Variants in NDST4 observed in about 807,000 individuals in gnomAD.
The protein encoded by NDST4 is N-heparan sulfate sulfotransferase 4.
A neutral mutation model predicts 100.8 loss-of-function variants in NDST4; 63 were observed. The ratio of observed to expected loss-of-function variants is 0.62; its 90% CI spans 0.51 to 0.77. NDST4 has a LOEUF of 0.77. Among genes scored for constraint, NDST4 ranks in the 30% least tolerant of loss-of-function variants. The probability of loss-of-function intolerance (pLI) is 0.00; values close to 1 mark genes in which losing one functional copy is unlikely to be tolerated. For missense variants in NDST4, 943 were observed against 1,018.4 expected (o/e 0.93, Z 1.01); for synonymous variants, 377 against 361.8 (o/e 1.04, Z -0.48).
chr4:114,910,503 A>T (rs535251977), intron 6 of NDST4, among the ~76,000 whole-genome samples: 67 of 152,276 alleles, frequency 4.4e-4, no homozygotes, highest in African/African-American at 1.6e-3. Context: ...TTTCCTTGAA[A>T]TTACTAACAA....
chr4:114,873,749 A>G (rs943102870), intron 6 of NDST4, among the ~76,000 whole-genome samples: 1 of 152,052 alleles, frequency 6.6e-6, no homozygotes, highest in Non-Finnish European at 1.5e-5. Flanking sequence ...TCATGTCACT[A>G]CTGTAATTAA....
intron 2 of NDST4, among the ~76,000 whole-genome samples, chr4:114,995,403 T>TAGAAGTAACAAACAGCAAA (rs1213265695): frequency 4.6e-5 from 7 of 152,078 alleles, no homozygotes; most frequent in Non-Finnish European, 8.8e-5. Context: ...TATTTTCACT[T>TAGAAGTAACAAACAGCAAA]AGAAGTAACA....
Position 114,977,239 on chromosome 4 carries a change from C to G in NDST4, c.1014G>C (p.Gln338His), listed in dbSNP as rs1015339872. 2.5e-6 allele frequency: 4 copies of G among 1,610,232 alleles called. No individual in the cohort carries two copies. The highest frequency in any genetic ancestry group is 3.3e-5 in the Admixed American group (2 of 59,746). ...CAAGGTTGAAGGTAAAATTTGCAAC[C>G]TGAGTGCGCAGTAAATTTTGAGTCT... ...LLETQNLLRT[Q>H]VANFTFNLGF... The change falls in exon 3 of 14, where the codon CAG becomes CAC. Residue 338 changes from glutamine to histidine, a missense_variant. Transcript: ENST00000264363.
At chr4:115,092,233 A>T (rs576547628) in intron 1 of NDST4, among the ~76,000 whole-genome samples, 33 of 152,058 alleles carry the variant, frequency 2.2e-4, no homozygotes, top group Admixed American at 9.8e-4. Flanking sequence ...CCTAAAAGGA[A>T]TTTTTTTTCT....
chr4:114,850,353 C>A (rs1163835453), intron 8 of NDST4, among the ~76,000 whole-genome samples: 1 of 152,124 alleles, frequency 6.6e-6, no homozygotes, highest in African/African-American at 2.4e-5. Context: ...TACCTTCATG[C>A]CTCCAGGACC....
At chr4:114,999,510 A>T (rs1727237069) in intron 2 of NDST4, among the ~76,000 whole-genome samples, 1 of 152,178 alleles carries the variant, frequency 6.6e-6, no homozygotes. Flanking sequence ...TCATAAATTT[A>T]AAAGTTTATT....
At chr4:115,013,292 T>C (rs1486330764) in intron 2 of NDST4, among the ~76,000 whole-genome samples, 1 of 143,286 alleles carries the variant, frequency 7.0e-6, no homozygotes, top group African/African-American at 2.5e-5. Flanking sequence ...ATGATTATTA[T>C]ATATTGTATG....
intron 2 of NDST4, among the ~76,000 whole-genome samples, chr4:114,999,055 C>A (rs1264322373): frequency 1.3e-5 from 2 of 152,038 alleles, no homozygotes; most frequent in Non-Finnish European, 2.9e-5. Context: ...ATCACAAATA[C>A]TGGGCACAGC....
chr4:114,916,653 T>C (rs992778624), intron 6 of NDST4, among the ~76,000 whole-genome samples: 3 of 150,604 alleles, frequency 2.0e-5, no homozygotes, highest in Admixed American at 1.3e-4. Flanking sequence ...TTTTTTTTTT[T>C]CTGACAGCTC....
Position 115,076,216 on chromosome 4 carries a change from T to C in NDST4, c.821A>G (p.Asn274Ser). The change falls in exon 2 of 14, where the codon AAC becomes AGC. Residue 274 changes from asparagine (N) to serine (S), a missense_variant. This residue lies in a region of NDST4 where 417 missense variants were observed against 384.2 expected (regional missense o/e 1.09). Transcript: ENST00000264363. ...DGIQRVLFGN[N>S]LNFWLHKLIF... Reference sequence around the variant, plus strand: ...GAGCTTGTGCAGCCAAAAGTTCAAGTTGTTGCCAAAAAGTACTCTCTGAAT... The same window carrying C: ...GAGCTTGTGCAGCCAAAAGTTCAAGCTGTTGCCAAAAAGTACTCTCTGAAT... 6.2e-7 allele frequency: 1 copy of C among 1,613,912 alleles called. No homozygotes were observed.
chr4:115,026,972 T>G (rs552441031), intron 2 of NDST4, among the ~76,000 whole-genome samples: 2 of 152,270 alleles, frequency 1.3e-5, no homozygotes, highest in Non-Finnish European at 2.9e-5. Flanking sequence ...CTCTGCTGAC[T>G]TCCGTAATTC....
In NDST4 at chr4:114,870,780, G is replaced by A. The variant is rs959211645; in HGVS notation, c.1707C>T (p.Asp569=). Residue 569 remains aspartate, a synonymous_variant, in exon 7 of 14, where the codon GAC becomes GAT. Coordinates refer to ENST00000264363, the MANE Select transcript of NDST4 (RefSeq NM_022569.3). ...TGTTAAATGTTACCTGCCATAGAGGGTCTTTCTGCTCAGGGAAGAGCTCAA... is the reference window on the plus strand; with the variant it reads ...TGTTAAATGTTACCTGCCATAGAGGATCTTTCTGCTCAGGGAAGAGCTCAA... The part of the protein sequence containing the change: ...QYFELFPEQK[D]PLWQNPCDDK... The A allele has an allele frequency of 1.2e-6, 2 of 1,609,072 alleles. No homozygotes were observed. The highest frequency in any genetic ancestry group is 1.3e-5 in the African/African-American group (1 of 74,562).
chr4:115,110,810 C>T (rs2110348136), intron 1 of NDST4, among the ~76,000 whole-genome samples: 1 of 151,972 alleles, frequency 6.6e-6, no homozygotes. Context: ...TATATTTGTT[C>T]TTTAAATATC....
intron 6 of NDST4, among the ~76,000 whole-genome samples, chr4:114,921,164 G>A (rs552082214): frequency 5.4e-4 from 82 of 152,014 alleles, no homozygotes; most frequent in Non-Finnish European, 7.7e-4. Context: ...AAACAAAAAC[G>A]TTTGCCAAAA....
rs543203176 is a variant in NDST4 at position 115,055,745 on chromosome 4, G to A, written c.978+20314C>T. On this transcript the variant is annotated intron_variant, in intron 2 of 13. Transcript: ENST00000264363. ...CTGTAGGTTAATGAGAAACAATAGA[G>A]GGATGATAGATAAAGGGTAAGCTGG... is the stretch of plus-strand genomic sequence containing the variant. 2.0e-5 allele frequency among the ~76,000 whole-genome samples: 3 copies of A among 152,158 alleles called. No homozygotes were observed. In the East Asian group the frequency reaches 5.8e-4, roughly 29 times the overall value.
rs1560817161 is a variant in NDST4, at chr4:114,929,120, CTATCT to C, written c.1536+6081_1536+6085del. On this transcript the variant is annotated intron_variant, in intron 6 of 13. Coordinates refer to ENST00000264363, the MANE Select transcript of NDST4 (RefSeq NM_022569.3). ...TCCATCCATCCATCCATCCATCTAT[CTATCT>C]ATCTATCTATCTATCTATCTATCTA... is the stretch of plus-strand genomic sequence containing the variant. Among the ~76,000 whole-genome samples, 160 of 133,148 alleles carry C rather than the reference CTATCT, an allele frequency of 1.2e-3. 1 individual carries two copies. The highest frequency in any genetic ancestry group is 6.7e-3 in the South Asian group (29 of 4,306). 87.4% of individuals were successfully genotyped at this position (133,148 alleles called of 152,430 possible).
At chr4:114,930,334 C>G (rs930338315) in intron 6 of NDST4, among the ~76,000 whole-genome samples, 83 of 152,272 alleles carry the variant, frequency 5.5e-4, no homozygotes, top group African/African-American at 1.9e-3. Context: ...ACAGAGCATC[C>G]ATGCGCCTGT....
At chr4:115,089,675 A>G (rs540134456) in intron 1 of NDST4, among the ~76,000 whole-genome samples, 1 of 152,068 alleles carries the variant, frequency 6.6e-6, no homozygotes, top group East Asian at 1.9e-4. Flanking sequence ...TTCAAGCATA[A>G]CCCAATACTA....
At position 115,109,034 on chromosome 4, in the gene NDST4, GGGAA is replaced by G. The variant is rs200548224; in HGVS notation, c.-247+4406_-247+4409del. On this transcript the variant is annotated intron_variant, in intron 1 of 13. Coordinates refer to ENST00000264363, the MANE Select transcript of NDST4 (RefSeq NM_022569.3). The stretch of plus-strand genomic sequence containing the variant: ...GGAAGAAGGAAGGAAAGAGGGAAAA[GGGAA>G]GGAAGGAAGGAAGAAAGGAAGGGAG... Among the ~76,000 whole-genome samples the G allele has an allele frequency of 6.8e-3, 1,010 of 148,626 alleles. 10 individuals carry two copies. The highest frequency in any genetic ancestry group is 0.023 in the African/African-American group (948 of 40,432).
Sources: allele counts gnomAD v4.1 joint callset (sites outside exome capture counted in the v4.1 genomes callset), GRCh38; gene constraint gnomAD v4.1.1; regional missense constraint gnomAD v4.1.1; transcripts MANE v1.5; gene names NCBI Gene and HGNC (gene_info 2026-07-23, HGNC 2026-07-21).